LARGE1: variants seen among roughly 807,000 people sequenced by gnomAD.
The protein encoded by LARGE1 is xylosyl- and glucuronyltransferase LARGE1.
LARGE1 carries 43 observed loss-of-function variants against 87.6 expected under a neutral mutation model. That is an observed-to-expected ratio of 0.49 (90% CI 0.38 to 0.63). The LOEUF (loss-of-function observed/expected upper bound fraction) is 0.63, where lower values mean the gene tolerates loss of function less well. Ranked by LOEUF, LARGE1 falls within the 30% of genes least tolerant of loss-of-function variation. The pLI, the probability that LARGE1 is intolerant of heterozygous loss-of-function variation, is 0.00. For synonymous variants in LARGE1, 434 were observed against 394.6 expected, an observed-to-expected ratio of 1.10 and a Z score of -1.18; for missense variants, 802 against 1,000.2, an observed-to-expected ratio of 0.80 and a Z score of 2.67.
chr22:33,840,236 G>A (rs897157504), intron 1 of LARGE1, among the ~76,000 whole-genome samples: 5 of 152,100 alleles, frequency 3.3e-5, no homozygotes, highest in African/African-American at 1.2e-4. Context: ...TCAAGAAAAT[G>A]CACATCCCCT....
At chr22:33,882,045 GTTTTTTTTT>G (rs3216428) in intron 1 of LARGE1, among the ~76,000 whole-genome samples, 1 of 130,868 alleles carries the variant, frequency 7.6e-6, no homozygotes, top group Non-Finnish European at 1.6e-5. Context: ...GTTTTTTTTT[GTTTTTTTTT>G]TTTTTTGAGA....
chr22:33,521,568 G>A (rs375421806), intron 6 of LARGE1, among the ~76,000 whole-genome samples: 4 of 152,242 alleles, frequency 2.6e-5, no homozygotes, highest in East Asian at 1.9e-4. Context: ...CAAAACAAAC[G>A]ACAAGACCGG....
rs369742962 is a variant in LARGE1 at position 33,697,351 on chromosome 22, T to C, written c.107-46683A>G. ...GTTTCCTTGGTGGTCTGGTTCAATA[T>C]GGTTCTCACCTTTGTCTCTAGCCTC... is the stretch of plus-strand genomic sequence containing the variant. On this transcript the variant is annotated intron_variant, in intron 2 of 14. Transcript: ENST00000397394. 2.4e-4 allele frequency among the ~76,000 whole-genome samples: 36 copies of C among 152,150 alleles called. No homozygotes were observed. In the East Asian group the frequency reaches 6.0e-3, roughly 25 times the overall value.
chr22:33,307,830 G>A (rs1186164734), intron 11 of LARGE1, among the ~76,000 whole-genome samples: 1 of 151,470 alleles, frequency 6.6e-6, no homozygotes, highest in Non-Finnish European at 1.5e-5. Context: ...AGGCAGTGGT[G>A]CGATCTCGGC....
intron 11 of LARGE1, among the ~76,000 whole-genome samples, chr22:33,209,741 G>A (rs1280125390): frequency 6.6e-6 from 1 of 152,140 alleles, no homozygotes; most frequent in South Asian, 2.1e-4. Flanking sequence ...GACCTCCTGG[G>A]CTCAAGTGAT....
At chr22:33,655,407 C>T (rs1289175969) in intron 2 of LARGE1, among the ~76,000 whole-genome samples, 1 of 152,102 alleles carries the variant, frequency 6.6e-6, no homozygotes, top group Non-Finnish European at 1.5e-5. Context: ...TCCTGGGTCT[C>T]GAGCCTGTTG....
At chr22:33,630,447 C>T (rs182983202) in intron 3 of LARGE1, among the ~76,000 whole-genome samples, 1 of 152,284 alleles carries the variant, frequency 6.6e-6, no homozygotes, top group African/African-American at 2.4e-5. Flanking sequence ...TAGCCTACAA[C>T]ACACATAGGC....
At chr22:33,480,629 G>T (rs1232322360) in intron 6 of LARGE1, among the ~76,000 whole-genome samples, 1 of 151,938 alleles carries the variant, frequency 6.6e-6, no homozygotes, top group Non-Finnish European at 1.5e-5. Context: ...AATAACTTTG[G>T]ATGCATTTTA....
chr22:33,099,864 G>A, the LARGE1 span, among the ~76,000 whole-genome samples: 1 of 152,176 alleles, frequency 6.6e-6, no homozygotes, highest in Non-Finnish European at 1.5e-5. Flanking sequence ...GCTCTGGCCC[G>A]AGTCAGGAAG....
chr22:33,096,854 C>G, the LARGE1 span, among the ~76,000 whole-genome samples: 1 of 152,036 alleles, frequency 6.6e-6, no homozygotes, highest in Non-Finnish European at 1.5e-5. Flanking sequence ...CGTGAGCCAC[C>G]GCGCCCGGCG....
chr22:33,618,679 C>T (rs553672896), intron 4 of LARGE1, among the ~76,000 whole-genome samples: 2 of 152,156 alleles, frequency 1.3e-5, no homozygotes, highest in East Asian at 3.9e-4. Flanking sequence ...AAAATACATA[C>T]CTGGAAGGGG....
In LARGE1 at chr22:33,867,583, G is replaced by A. The variant is rs543870492; in HGVS notation, c.-83+52412C>T. 5.9e-5 allele frequency among the ~76,000 whole-genome samples: 9 copies of A among 152,234 alleles called. 1 individual carries two copies. The South Asian group carries it at 6.2e-4, about 11-fold the overall frequency. ...CAGCAAGTGGCACTATGCTGCCTGC[G>A]TTTCTATTTCCAAAATCTGAAAGCT... On this transcript the variant is annotated intron_variant, in intron 1 of 14. Transcript: ENST00000397394.
chr22:33,618,760 C>A (rs567385256), intron 4 of LARGE1, among the ~76,000 whole-genome samples: 1 of 152,366 alleles, frequency 6.6e-6, no homozygotes, highest in African/African-American at 2.4e-5. Flanking sequence ...TGAAATCCAA[C>A]CTTCAAGCCA....
At chr22:33,661,023 T>G (rs80062997) in intron 2 of LARGE1, among the ~76,000 whole-genome samples, 2 of 152,130 alleles carry the variant, frequency 1.3e-5, no homozygotes, top group East Asian at 3.9e-4. Flanking sequence ...TTTTTTTTTT[T>G]GTAGCTAAAA....
intron 12 of LARGE1, among the ~76,000 whole-genome samples, chr22:33,285,812 CAGA>C (rs149067069): frequency 0.041 from 6,310 of 152,146 alleles, 174 homozygotes; most frequent in Middle Eastern, 0.065. Flanking sequence ...GTGGCAGTCC[CAGA>C]AGGACACAGG....
chr22:33,794,683 C>T (rs12484459), intron 1 of LARGE1, among the ~76,000 whole-genome samples: 29,235 of 133,218 alleles, frequency 0.22, 3,372 homozygotes, highest in Admixed American at 0.38. Flanking sequence ...CACAGTGGCA[C>T]GATCTCGGCT....
At chr22:33,703,069 A>T (rs240083) in intron 2 of LARGE1, among the ~76,000 whole-genome samples, 77,796 of 151,920 alleles carry the variant, frequency 0.51, 20,252 homozygotes, top group African/African-American at 0.59. Context: ...AAAACCATCA[A>T]CCTCAACAAA....
chr22:33,269,954 G>A (rs1602177774), downstream of LARGE1, among the ~76,000 whole-genome samples: 3 of 150,070 alleles, frequency 2.0e-5, no homozygotes, highest in African/African-American at 2.5e-5. Context: ...GCAGTGAGCC[G>A]AGATCGCGCC....
At chr22:33,174,729 C>T (rs1922769568) in intron 11 of LARGE1, among the ~76,000 whole-genome samples, 1 of 152,154 alleles carries the variant, frequency 6.6e-6, no homozygotes, top group Non-Finnish European at 1.5e-5. Context: ...CGCAAGTAAA[C>T]TACAAAATCT....
Sources: gnomAD v4.1 joint callset for allele counts (sites outside exome capture counted in the v4.1 genomes callset) on GRCh38, gnomAD v4.1.1 for gene constraint, MANE v1.5 for transcripts, NCBI Gene and HGNC (gene_info 2026-07-23, HGNC 2026-07-21) for gene names.